KCNQ5: variants seen among roughly 807,000 people sequenced by gnomAD.
KCNQ5 encodes the protein potassium voltage-gated channel subfamily Q member 5, also known as potassium voltage-gated channel subfamily KQT member 5.
In KCNQ5, 30 loss-of-function variants were observed where a neutral mutation model predicts 98.2. That is an observed-to-expected ratio of 0.31 (90% CI 0.23 to 0.41). KCNQ5 has a LOEUF of 0.41. KCNQ5 is among the 10% of genes least tolerant of loss of function. KCNQ5 has a pLI of 1.00. For synonymous variants in KCNQ5, 458 were observed against 449.4 expected, an observed-to-expected ratio of 1.02 and a Z score of -0.24; for missense variants, 835 against 1,182.5, an observed-to-expected ratio of 0.71 and a Z score of 4.31.
intron 1 of KCNQ5, among the ~76,000 whole-genome samples, chr6:72,984,454 G>A (rs1226028364): frequency 6.6e-6 from 1 of 152,218 alleles, no homozygotes. Flanking sequence ...CCGCCTCACA[G>A]TTTGATCTTG....
chr6:72,827,076 T>TA (rs1470545513), intron 1 of KCNQ5, among the ~76,000 whole-genome samples: 1 of 152,192 alleles, frequency 6.6e-6, no homozygotes, highest in Non-Finnish European at 1.5e-5. Flanking sequence ...TATGGCTGAA[T>TA]AGTATTCCAT....
At chr6:73,066,417 T>C (rs1773061180) in intron 3 of KCNQ5, among the ~76,000 whole-genome samples, 1 of 152,200 alleles carries the variant, frequency 6.6e-6, no homozygotes. Context: ...ATAAGCTCCA[T>C]GAGGGCAGAA....
chr6:73,184,697 A>G (rs1280723600), intron 11 of KCNQ5, among the ~76,000 whole-genome samples: 1 of 152,194 alleles, frequency 6.6e-6, no homozygotes, highest in African/African-American at 2.4e-5. Context: ...AAGACCATCT[A>G]CCCCAGTGAG....
chr6:72,980,047 G>A (rs1336021384), intron 1 of KCNQ5, among the ~76,000 whole-genome samples: 3 of 152,050 alleles, frequency 2.0e-5, no homozygotes, highest in Admixed American at 6.5e-5. Context: ...CTCTGTTTTG[G>A]TACCAGTACC....
rs1174223633 is a variant in KCNQ5, at chr6:73,167,923, A to G, written c.1469-1823A>G. 2.6e-5 allele frequency among the ~76,000 whole-genome samples: 4 copies of G among 152,208 alleles called. No homozygotes were observed. In the South Asian group the frequency reaches 8.3e-4, roughly 31 times the overall value. On this transcript the variant is annotated intron_variant, in intron 10 of 13. Transcript: ENST00000370398. ...ATGAATCACCTTCTAAAGTTCCCAC[A>G]TCTTAATACTATCACACTGGTGATT...
At chr6:73,011,582 C>G (rs867082352) in intron 2 of KCNQ5, among the ~76,000 whole-genome samples, 5 of 152,004 alleles carry the variant, frequency 3.3e-5, no homozygotes, top group African/African-American at 1.2e-4. Context: ...GGACATAACA[C>G]CAAAGGTGTA....
At chr6:72,847,593 C>T (rs944138034) in intron 1 of KCNQ5, among the ~76,000 whole-genome samples, 2 of 152,176 alleles carry the variant, frequency 1.3e-5, no homozygotes, top group Admixed American at 6.5e-5. Flanking sequence ...TTCAAAACCC[C>T]GTTAGATCTC....
intron 10 of KCNQ5, among the ~76,000 whole-genome samples, chr6:73,152,468 G>A (rs1777189627): frequency 6.6e-6 from 1 of 151,868 alleles, no homozygotes. Context: ...TGTTGTTTTT[G>A]ACTAAGGGTT....
intron 11 of KCNQ5, among the ~76,000 whole-genome samples, chr6:73,177,488 C>G (rs570594010): frequency 6.6e-6 from 1 of 152,260 alleles, no homozygotes; most frequent in African/African-American, 2.4e-5. Flanking sequence ...TATTCCTGTT[C>G]TGAAAGGCAT....
At chr6:72,824,076 A>G (rs936074476) in intron 1 of KCNQ5, among the ~76,000 whole-genome samples, 1 of 152,106 alleles carries the variant, frequency 6.6e-6, no homozygotes, top group African/African-American at 2.4e-5. Context: ...TTCATCCAGG[A>G]CTACTAGATT....
chr6:72,641,320 A>C (rs556218715), intron 1 of KCNQ5, among the ~76,000 whole-genome samples: 38 of 152,226 alleles, frequency 2.5e-4, no homozygotes, highest in Middle Eastern at 3.4e-3. Context: ...CACACACACA[A>C]AAATACATTT....
Position 72,695,185 on chromosome 6 carries a change from A to C in KCNQ5, c.398+72598A>C, listed in dbSNP as rs548251000. Among the ~76,000 whole-genome samples, 8 of 152,030 alleles carry C rather than the reference A, an allele frequency of 5.3e-5. No homozygotes were observed. In the South Asian group the frequency reaches 6.2e-4, roughly 12 times the overall value. Reference sequence around the variant, plus strand: ...TGCTGCATTGTACATATACCTCTCTATATATATTCTAGGACAACTGCCGTC... The same window carrying C: ...TGCTGCATTGTACATATACCTCTCTCTATATATTCTAGGACAACTGCCGTC... On this transcript the variant is annotated intron_variant, in intron 1 of 13. Coordinates refer to ENST00000370398, the MANE Select transcript of KCNQ5 (RefSeq NM_019842.4).
intron 10 of KCNQ5, among the ~76,000 whole-genome samples, chr6:73,162,460 T>C (rs1348057689): frequency 2.0e-5 from 3 of 152,176 alleles, no homozygotes; most frequent in African/African-American, 7.2e-5. Flanking sequence ...CCATTGGCAT[T>C]TTGCCCTTTT....
chr6:72,897,661 A>G (rs888484416), intron 1 of KCNQ5, among the ~76,000 whole-genome samples: 2 of 152,212 alleles, frequency 1.3e-5, no homozygotes, highest in Admixed American at 6.5e-5. Flanking sequence ...ACAAACAAAA[A>G]TAGAACCAAG....
chr6:72,950,464 C>T (rs751845358), intron 1 of KCNQ5, among the ~76,000 whole-genome samples: 4 of 152,210 alleles, frequency 2.6e-5, no homozygotes, highest in African/African-American at 7.2e-5. Context: ...CACTGATTAT[C>T]GCCAACTTGT....
chr6:73,096,254 T>C (rs1167510658), intron 5 of KCNQ5, among the ~76,000 whole-genome samples: 1 of 145,920 alleles, frequency 6.9e-6, no homozygotes, highest in African/African-American at 2.6e-5. Context: ...TCTGTGGAGC[T>C]GACATTTCAG....
At chr6:72,966,617 T>C (rs1767627924) in intron 1 of KCNQ5, among the ~76,000 whole-genome samples, 1 of 152,088 alleles carries the variant, frequency 6.6e-6, no homozygotes, top group Non-Finnish European at 1.5e-5. Context: ...AAAGCATATT[T>C]TGAAAGGTAT....
intron 11 of KCNQ5, among the ~76,000 whole-genome samples, chr6:73,172,973 C>A (rs1778067231): frequency 6.6e-6 from 1 of 152,180 alleles, no homozygotes; most frequent in East Asian, 1.9e-4. Context: ...ATTTTTTAAA[C>A]ATCTGCCATT....
At chr6:72,820,077 C>T (rs1156234120) in intron 1 of KCNQ5, among the ~76,000 whole-genome samples, 3 of 152,156 alleles carry the variant, frequency 2.0e-5, no homozygotes, top group Non-Finnish European at 4.4e-5. Flanking sequence ...ATCCATTGTA[C>T]CAGTGTAGGC....
Sources: gnomAD v4.1 joint callset for allele counts (sites outside exome capture counted in the v4.1 genomes callset) on GRCh38, gnomAD v4.1.1 for gene constraint, MANE v1.5 for transcripts, NCBI Gene and HGNC (gene_info 2026-07-23, HGNC 2026-07-21) for gene names.